The following MYCBP2 variants were observed in gnomAD, a reference collection of about 807,000 sequenced individuals.
The protein encoded by MYCBP2 is E3 ubiquitin-protein ligase MYCBP2.
MYCBP2 carries 120 observed loss-of-function variants against 525.3 expected under a neutral mutation model. The observed-to-expected ratio is 0.23, with a 90% CI of 0.20 to 0.27. The LOEUF is 0.27. Among genes scored for constraint, MYCBP2 ranks in the 10% least tolerant of loss-of-function variants. MYCBP2 has a pLI of 1.00. For missense variants in MYCBP2, 4,149 were observed against 5,657.1 expected, an observed-to-expected ratio of 0.73 and a Z score of 8.55; for synonymous variants, 1,894 against 1,955.8, an observed-to-expected ratio of 0.97 and a Z score of 0.83.
At chr13:77,057,631 A>C (rs2038385809) in intron 78 of MYCBP2, among the ~76,000 whole-genome samples, 1 of 152,142 alleles carries the variant, frequency 6.6e-6, no homozygotes, top group Non-Finnish European at 1.5e-5. Context: ...CTGGGGGATA[A>C]TCTAATTATT....
At chr13:77,317,133 G>A (rs1211063509) in intron 1 of MYCBP2, among the ~76,000 whole-genome samples, 2 of 152,072 alleles carry the variant, frequency 1.3e-5, no homozygotes, top group Non-Finnish European at 2.9e-5. Flanking sequence ...TGTATTTGTA[G>A]TACAAACAGG....
At chr13:77,273,253 TA>T (rs1296903763) in intron 5 of MYCBP2, among the ~76,000 whole-genome samples, 1 of 152,108 alleles carries the variant, frequency 6.6e-6, no homozygotes, top group Admixed American at 6.5e-5. Context: ...CTTAAAGATT[TA>T]AGAGGTCTGG....
chr13:77,073,791 A>G (rs1161762582), intron 68 of MYCBP2, among the ~76,000 whole-genome samples: 1 of 152,168 alleles, frequency 6.6e-6, no homozygotes, highest in Non-Finnish European at 1.5e-5. Context: ...TAGCTTTACA[A>G]ATGTTAAATG....
chr13:77,104,223 A>G (rs77836204), intron 55 of MYCBP2, among the ~76,000 whole-genome samples: 2,080 of 152,176 alleles, frequency 0.014, 49 homozygotes, highest in African/African-American at 0.046. Context: ...TAGACATAAC[A>G]CACACTTTTC....
chr13:77,243,053 T>C lies in MYCBP2; in HGVS notation c.2629+6A>G. Reference sequence around the variant, plus strand: ...CATGTACTTTTTCTCTGTAGCTACATCTTACCTCTTCCTTCCTCTAATCTG... The same window carrying C: ...CATGTACTTTTTCTCTGTAGCTACACCTTACCTCTTCCTTCCTCTAATCTG... On this transcript the variant is annotated splice_donor_region_variant and intron_variant, in intron 17 of 82. Coordinates refer to ENST00000544440, the MANE Select transcript of MYCBP2 (RefSeq NM_015057.5). 6.2e-7 allele frequency: 1 copy of C among 1,613,172 alleles called. No homozygotes were observed. The highest frequency in any genetic ancestry group is 1.1e-5 in the South Asian group (1 of 91,048).
chr13:77,252,375 G>A (rs1042222732), intron 14 of MYCBP2, among the ~76,000 whole-genome samples: 2 of 152,042 alleles, frequency 1.3e-5, no homozygotes, highest in African/African-American at 4.8e-5. Context: ...AACTGAAGAC[G>A]GTAATACTGA....
Position 77,176,616 on chromosome 13 carries a change from C to A in MYCBP2, c.5353G>T (p.Gly1785Ter). 1 of 1,543,618 alleles carries A rather than the reference C, an allele frequency of 6.5e-7. No homozygotes were observed. Among genetic ancestry groups the A allele is most frequent in the Non-Finnish European group, 8.8e-7 (1 of 1,140,560 alleles). Reference protein sequence around the residue: ...EVLVDDSEHAGDSTHSHRWTS... With the variant: ...EVLVDDSEHA ...CATCTGTGGGAATGAGTTGAATCTC[C>A]TGCATGTTCACTCTAAAAAAAAAAA... Residue 1785 changes from glycine to a stop codon, truncating the protein, a stop_gained, in exon 36 of 83, where the codon GGA (glycine) becomes TGA (stop). Coordinates refer to ENST00000544440, the MANE Select transcript of MYCBP2 (RefSeq NM_015057.5). LOFTEE classifies it high-confidence loss of function.
In MYCBP2 at chr13:77,125,397, T is replaced by A. The variant is rs754270152; in HGVS notation, c.7956A>T (p.Glu2652Asp). The A allele has an allele frequency of 1.2e-6, 2 of 1,613,918 alleles. No homozygotes were observed. The change falls in exon 54 of 83, where the codon GAA (glutamate) becomes GAT (aspartate). Residue 2652 changes from glutamate (E) to aspartate (D), a missense_variant. This residue lies in a region of MYCBP2 where 653 missense variants were observed against 744.7 expected (regional missense o/e 0.88). Transcript: ENST00000544440. ...CTCTAGCTAAGGACCATGCCTCTCC[T>A]TCATCACTCTCACAGAACTCTACCA... ...NSMVEFCESDEGEAWSLARDR... is the reference protein window; with the variant it reads ...NSMVEFCESDDGEAWSLARDR...
intron 2 of MYCBP2, among the ~76,000 whole-genome samples, chr13:77,289,932 T>A (rs371732115): frequency 2.0e-5 from 3 of 152,038 alleles, no homozygotes; most frequent in African/African-American, 7.2e-5. Context: ...AATAATAGCA[T>A]TGAAGTCACA....
At chr13:77,216,682 A>T (rs1450510518) in intron 21 of MYCBP2, among the ~76,000 whole-genome samples, 1 of 152,198 alleles carries the variant, frequency 6.6e-6, no homozygotes, top group Non-Finnish European at 1.5e-5. Context: ...TTTTCAAAAC[A>T]GTACTATATA....
chr13:77,102,580 A>G (rs548941374), intron 55 of MYCBP2, among the ~76,000 whole-genome samples: 3 of 151,592 alleles, frequency 2.0e-5, no homozygotes, highest in South Asian at 4.2e-4. Flanking sequence ...ATATTTTTAA[A>G]TTGTCTGAAA....
chr13:77,233,240 T>A lies in MYCBP2; in HGVS notation c.2653A>T (p.Ile885Phe), dbSNP rs764253729. 6 of 1,613,696 alleles carry A rather than the reference T, an allele frequency of 3.7e-6. No homozygotes were observed. Among genetic ancestry groups the A allele is most frequent in the Non-Finnish European group, 1.7e-6 (2 of 1,179,808 alleles). Residue 885 changes from isoleucine to phenylalanine, a missense_variant, in exon 18 of 83, where the codon ATT becomes TTT. Ile to Phe is a conservative substitution (Grantham distance 21). Coordinates refer to ENST00000544440, the MANE Select transcript of MYCBP2 (RefSeq NM_015057.5). ...GRGPLVFAGP[I>F]FMNHREQALA... is the part of the protein sequence containing the mutation. The stretch of plus-strand genomic sequence containing the variant: ...GCCTGTTCTCGATGGTTCATAAAAA[T>A]AGGACCAGCAAATACAAGGGGGCCT...
At chr13:77,076,370 G>C (rs2042295783) in intron 68 of MYCBP2, among the ~76,000 whole-genome samples, 1 of 152,070 alleles carries the variant, frequency 6.6e-6, no homozygotes, top group Non-Finnish European at 1.5e-5. Flanking sequence ...CTTTTGTTTG[G>C]GGAAATCATA....
intron 1 of MYCBP2, among the ~76,000 whole-genome samples, chr13:77,309,840 G>A (rs764700538): frequency 1.3e-5 from 2 of 152,144 alleles, no homozygotes; most frequent in Non-Finnish European, 2.9e-5. Flanking sequence ...TTGGCTGGGC[G>A]CAGTGGCTCA....
rs373027602 is a variant in MYCBP2 at position 77,098,976 on chromosome 13, G to C, written c.8178C>G (p.Ala2726=). Residue 2726 remains alanine (A), a synonymous_variant, in exon 56 of 83, where the codon GCC becomes GCG. Coordinates refer to ENST00000544440, the MANE Select transcript of MYCBP2 (RefSeq NM_015057.5). ...ACAGCTCTGATTTTCCTGATGTAGAGGCTGGTTTAGAAGATGTTGAGATGT... is the reference window on the plus strand; with the variant it reads ...ACAGCTCTGATTTTCCTGATGTAGACGCTGGTTTAGAAGATGTTGAGATGT... ...RGNISTSSKP[A]STSGKSELSS... 1.9e-6 allele frequency: 3 copies of C among 1,610,722 alleles called. No individual in the cohort carries two copies. The highest frequency in any genetic ancestry group is 2.5e-6 in the Non-Finnish European group (3 of 1,179,588).
intron 72 of MYCBP2, 116 bp downstream of exon 72, chr13:77,065,876 A>G: frequency 1.6e-6 from 1 of 613,712 alleles, no homozygotes; most frequent in Non-Finnish European, 2.8e-6. Flanking sequence ...CATACTACAA[A>G]TAGTCTTTAA....
chr13:77,217,680 G>T (rs9574016), intron 21 of MYCBP2, among the ~76,000 whole-genome samples, 160 bp downstream of exon 21: 1 of 152,074 alleles, frequency 6.6e-6, no homozygotes, highest in Non-Finnish European at 1.5e-5. Flanking sequence ...ATATCATTCA[G>T]GTTTAGTGTG....
At chr13:77,186,922 C>A (rs1237336279) in intron 30 of MYCBP2, among the ~76,000 whole-genome samples, 1 of 151,364 alleles carries the variant, frequency 6.6e-6, no homozygotes, top group Non-Finnish European at 1.5e-5. Context: ...CCTCTCACCA[C>A]CCCCTCAGCC....
intron 32 of MYCBP2, among the ~76,000 whole-genome samples, chr13:77,184,152 T>C (rs1037850827): frequency 3.3e-5 from 5 of 152,224 alleles, no homozygotes; most frequent in Admixed American, 2.0e-4. Context: ...TTTTAAGCAA[T>C]GCTTTAGCTA....
Sources: gnomAD v4.1 joint callset for allele counts (sites outside exome capture counted in the v4.1 genomes callset) on GRCh38, gnomAD v4.1.1 for gene constraint, gnomAD v4.1.1 regional missense constraint, MANE v1.5 for transcripts, NCBI Gene and HGNC (gene_info 2026-07-23, HGNC 2026-07-21) for gene names.